TNR: variants seen among roughly 807,000 people sequenced by gnomAD.
TNR encodes tenascin R.
In TNR, 45 loss-of-function variants were observed where a neutral mutation model predicts 150.4. The observed-to-expected ratio is 0.30, with a 90% CI of 0.24 to 0.38. The LOEUF (loss-of-function observed/expected upper bound fraction) is 0.38, where lower values mean the gene tolerates loss of function less well. TNR is among the 10% of genes least tolerant of loss of function. TNR has a pLI of 1.00. For missense variants in TNR, 1,544 were observed against 1,759.1 expected (o/e 0.88, Z 2.19); for synonymous variants, 687 against 678.4 (o/e 1.01, Z -0.20).
intron 18 of TNR, among the ~76,000 whole-genome samples, chr1:175,339,307 CA>C (rs890153851): frequency 5.9e-5 from 9 of 152,150 alleles, no homozygotes; most frequent in African/African-American, 1.9e-4. Flanking sequence ...ATCTTACAAG[CA>C]AAAAAACCCC....
intron 1 of TNR, among the ~76,000 whole-genome samples, chr1:175,553,823 C>CACAT (rs1204137142): frequency 6.6e-6 from 1 of 150,848 alleles, no homozygotes; most frequent in Non-Finnish European, 1.5e-5. Context: ...AACAAACACA[C>CACAT]ACACACACAC....
chr1:175,426,195 A>G (rs1654960554), intron 2 of TNR, among the ~76,000 whole-genome samples: 1 of 152,156 alleles, frequency 6.6e-6, no homozygotes, highest in South Asian at 2.1e-4. Context: ...AGTAGTCTGG[A>G]GAGGACACTT....
chr1:175,723,778 T>C (rs1362123610), intron 1 of TNR, among the ~76,000 whole-genome samples: 2 of 152,058 alleles, frequency 1.3e-5, no homozygotes, highest in Admixed American at 6.5e-5. Context: ...TTCAAGAGGC[T>C]GAGAATCACT....
chr1:175,359,223 G>A (rs1651478948), intron 15 of TNR, among the ~76,000 whole-genome samples: 1 of 134,828 alleles, frequency 7.4e-6, no homozygotes, highest in Non-Finnish European at 1.5e-5. Context: ...TTGGCTCACT[G>A]TAACCTCCAC....
chr1:175,452,251 A>C (rs1656359865), intron 2 of TNR, among the ~76,000 whole-genome samples: 1 of 152,272 alleles, frequency 6.6e-6, no homozygotes, highest in Non-Finnish European at 1.5e-5. Context: ...TCCTGTGTGC[A>C]GGCACTGTTC....
At chr1:175,656,864 T>C (rs770372242) in intron 1 of TNR, among the ~76,000 whole-genome samples, 13 of 152,174 alleles carry the variant, frequency 8.5e-5, no homozygotes, top group African/African-American at 2.4e-5. Context: ...TGTAAAAGAA[T>C]GCAAATGTGG....
intron 1 of TNR, among the ~76,000 whole-genome samples, chr1:175,713,345 CT>C (rs1667069299): frequency 6.6e-6 from 1 of 152,190 alleles, no homozygotes; most frequent in Admixed American, 6.5e-5. Flanking sequence ...ACTCTTGCCC[CT>C]ATCCTTTTTT....
intron 1 of TNR, among the ~76,000 whole-genome samples, chr1:175,622,525 C>G (rs761598865): frequency 2.6e-5 from 4 of 152,202 alleles, no homozygotes; most frequent in African/African-American, 7.2e-5. Context: ...GGAACACCCT[C>G]TAGCCCGATA....
intron 1 of TNR, among the ~76,000 whole-genome samples, chr1:175,730,654 T>C (rs547842573): frequency 6.6e-6 from 1 of 152,372 alleles, no homozygotes; most frequent in Admixed American, 6.5e-5. Flanking sequence ...AGAGAATGTC[T>C]TTATTCTCAC....
At chr1:175,563,822 T>C (rs923964869) in intron 1 of TNR, among the ~76,000 whole-genome samples, 6 of 152,314 alleles carry the variant, frequency 3.9e-5, no homozygotes, top group Admixed American at 3.9e-4. Flanking sequence ...CTGTGAACAA[T>C]TGGGTCCTTT....
Position 175,393,861 on chromosome 1 carries a change from C to A in TNR, c.1275G>T (p.Thr425=). 3.1e-6 allele frequency: 5 copies of A among 1,614,100 alleles called. No individual in the cohort carries two copies. The highest frequency in any genetic ancestry group is 4.2e-6 in the Non-Finnish European group (5 of 1,180,010). The change falls in exon 6 of 23, where the codon ACG becomes ACT. Residue 425 remains threonine, a synonymous_variant. Transcript: ENST00000367674. ...GCACCTCCACGGTGGTCTCTGTGAT[C>A]GTCTTAAATTGTAGCCCTTGAGGAG... ...LSTPQGLQFK[T]ITETTVEVQW...
At chr1:175,365,685 C>G (rs145521740) in intron 11 of TNR, among the ~76,000 whole-genome samples, 190 bp downstream of exon 11, 2 of 152,334 alleles carry the variant, frequency 1.3e-5, no homozygotes, top group East Asian at 3.9e-4. Flanking sequence ...AACACTATTG[C>G]TCACCTCCCC....
chr1:175,405,290 C>A (rs999519135), intron 3 of TNR, among the ~76,000 whole-genome samples: 2 of 152,186 alleles, frequency 1.3e-5, no homozygotes, highest in Non-Finnish European at 2.9e-5. Flanking sequence ...TGAATAGGTG[C>A]TTTTATTGTT....
intron 2 of TNR, among the ~76,000 whole-genome samples, chr1:175,500,753 A>C (rs1279516265): frequency 1.3e-5 from 2 of 152,218 alleles, no homozygotes; most frequent in African/African-American, 2.4e-5. Flanking sequence ...CACAGAAGGG[A>C]AGTCTCCCTG....
chr1:175,457,877 G>A (rs549423893), intron 2 of TNR, among the ~76,000 whole-genome samples: 1 of 152,326 alleles, frequency 6.6e-6, no homozygotes, highest in East Asian at 1.9e-4. Flanking sequence ...AAGAAACTGA[G>A]GTCCAGGAAC....
chr1:175,664,268 A>G (rs1665465264), intron 1 of TNR, among the ~76,000 whole-genome samples: 1 of 152,222 alleles, frequency 6.6e-6, no homozygotes, highest in Admixed American at 6.5e-5. Flanking sequence ...GAATAGGATG[A>G]CCTGGTTATC....
intron 2 of TNR, among the ~76,000 whole-genome samples, chr1:175,417,097 C>A (rs1347766749): frequency 8.0e-6 from 1 of 125,240 alleles, no homozygotes; most frequent in Non-Finnish European, 1.7e-5. Context: ...GTGGTCTCTT[C>A]CCTCATGGGG....
chr1:175,387,063 G>T (rs1652974667), intron 7 of TNR, among the ~76,000 whole-genome samples: 1 of 152,190 alleles, frequency 6.6e-6, no homozygotes, highest in Non-Finnish European at 1.5e-5. Context: ...CACTGTGCAG[G>T]TCAGGGCAAC....
intron 1 of TNR, among the ~76,000 whole-genome samples, chr1:175,609,862 G>T (rs57310699): frequency 6.6e-6 from 1 of 152,316 alleles, no homozygotes; most frequent in Non-Finnish European, 1.5e-5. Flanking sequence ...AAGAAATTTA[G>T]ATGATCTTAT....
Sources: gnomAD v4.1 joint callset for allele counts (sites outside exome capture counted in the v4.1 genomes callset) on GRCh38, gnomAD v4.1.1 for gene constraint, MANE v1.5 for transcripts, NCBI Gene and HGNC (gene_info 2026-07-23, HGNC 2026-07-21) for gene names.